The following NASP variants were observed in gnomAD, a reference collection of about 807,000 sequenced individuals.
The protein encoded by NASP is nuclear autoantigenic sperm protein.
NASP carries 24 observed loss-of-function variants against 89.5 expected under a neutral mutation model. The ratio of observed to expected loss-of-function variants is 0.27; its 90% confidence interval spans 0.19 to 0.38. NASP has a LOEUF of 0.38. Among genes scored for constraint, NASP ranks in the 10% least tolerant of loss-of-function variants. NASP has a pLI of 1.00. For missense variants in NASP, 848 were observed against 921.4 expected (o/e 0.92, Z 1.03); for synonymous variants, 306 against 324.7 (o/e 0.94, Z 0.62).
intron 2 of NASP, among the ~76,000 whole-genome samples, chr1:45,597,247 C>T (rs1643720913): frequency 6.9e-6 from 1 of 144,490 alleles, no homozygotes; most frequent in Non-Finnish European, 1.5e-5. Flanking sequence ...GTGGAGGTTG[C>T]AGTGAGCTGA....
At chr1:45,614,541 T>C (rs1644069530) in intron 9 of NASP, among the ~76,000 whole-genome samples, 175 bp downstream of exon 9, 1 of 70,940 alleles carries the variant, frequency 1.4e-5, no homozygotes, top group Non-Finnish European at 3.0e-5. Flanking sequence ...TAGGTTTGTT[T>C]TGTTTTGTTT....
intron 1 of NASP, among the ~76,000 whole-genome samples, chr1:45,586,264 GT>G (rs1478191780): frequency 5.5e-5 from 4 of 72,082 alleles, no homozygotes; most frequent in African/African-American, 5.6e-5. Flanking sequence ...GTGTGTGTGT[GT>G]GTGTGTGTGT....
intron 1 of NASP, among the ~76,000 whole-genome samples, chr1:45,589,460 AT>A (rs750805629): frequency 2.0e-5 from 3 of 152,098 alleles, no homozygotes; most frequent in Admixed American, 6.6e-5. Flanking sequence ...CTCCAAACAA[AT>A]TACCAAGTAA....
chr1:45,584,127 T>C lies in NASP; in HGVS notation c.-20T>C. 6.3e-7 allele frequency: 1 copy of C among 1,581,530 alleles called. No homozygotes were observed. The highest frequency in any genetic ancestry group is 1.3e-5 in the African/African-American group (1 of 74,496). On this transcript the variant is annotated 5_prime_UTR_variant, in exon 1 of 15. Transcript: ENST00000350030. ...TCGCAGGCTCTATTCCGTTCGCTGG[T>C]TCGCCACCTCAGGGGAACGATGGCC...
At position 45,608,457 on chromosome 1, in the gene NASP, G is replaced by A. The variant is rs548130451; in HGVS notation, c.1426+120G>A. The A allele has an allele frequency of 4.0e-5, 42 of 1,050,980 alleles. No individual in the cohort carries two copies. In the East Asian group the frequency reaches 1.0e-3, roughly 26 times the overall value. 65.1% of individuals were successfully genotyped at this position (1,050,980 alleles called of 1,614,324 possible). A position where few individuals can be genotyped will look rare whatever the true frequency, so the allele number is the denominator to read the frequency against. On this transcript the variant is annotated intron_variant, in intron 6 of 14. Transcript: ENST00000350030. ...CCGTCTGCCTTTGGATTAGGAAAGG[G>A]CTAAATGAAAAGGGGGGTAGTTTAA...
In NASP at chr1:45,615,090, C is replaced by T; in HGVS notation, c.1744C>T (p.Leu582Phe). The change falls in exon 10 of 15, where the codon CTC (leucine) becomes TTC (phenylalanine). Residue 582 changes from leucine (L) to phenylalanine (F), a missense_variant. Physicochemically the swap from Leu to Phe is conservative, Grantham distance 22. This residue lies in a region of NASP where 60 missense variants were observed against 114.6 expected (regional missense o/e 0.52). Coordinates refer to ENST00000350030, the MANE Select transcript of NASP (RefSeq NM_002482.4). ...ACAGTACCTGGAAGCCCACGACCGT[C>T]TCCTTGCAGAGACCCACTACCAGCT... ...QEQYLEAHDR[L>F]LAETHYQLGL... 1 of 1,614,218 alleles carries T rather than the reference C, an allele frequency of 6.2e-7. No homozygotes were observed. Among genetic ancestry groups the T allele is most frequent in the Non-Finnish European group, 8.5e-7 (1 of 1,180,036 alleles).
At position 45,617,469 on chromosome 1, in the gene NASP, C is replaced by T. The variant is rs780636281; in HGVS notation, c.2164C>T (p.Pro722Ser). ...TTCACAATTATATCTTTAGAGGAAA[C>T]CAGAGGAAGAGAGTCCCCGGAAAGA... The part of the protein sequence containing the change: ...ISHLVRKKRK[P>S]EEESPRKDDA... Residue 722 changes from proline (P) to serine (S), a missense_variant, in exon 14 of 15, where the codon CCA becomes TCA. Transcript: ENST00000350030. 16 of 1,612,700 alleles carry T rather than the reference C, an allele frequency of 9.9e-6. No individual in the cohort carries two copies. The highest frequency in any genetic ancestry group is 1.3e-5 in the Non-Finnish European group (15 of 1,179,630).
chr1:45,603,571 T>C (rs1643876933), intron 3 of NASP, among the ~76,000 whole-genome samples: 1 of 151,652 alleles, frequency 6.6e-6, no homozygotes, highest in Admixed American at 6.6e-5. Context: ...ATTGGGGCTC[T>C]GAGAGACTAA....
chr1:45,590,843 C>T (rs567437670), intron 1 of NASP, among the ~76,000 whole-genome samples: 26 of 152,224 alleles, frequency 1.7e-4, no homozygotes, highest in African/African-American at 5.8e-4. Flanking sequence ...ACCATTTGGT[C>T]AGAATGACCT....
chr1:45,590,199 C>G (rs1227678834), intron 1 of NASP, among the ~76,000 whole-genome samples: 1 of 152,076 alleles, frequency 6.6e-6, no homozygotes, highest in African/African-American at 2.4e-5. Context: ...CAAGTACTGC[C>G]TTAGTTCACC....
In NASP at chr1:45,616,285, G is replaced by A. The variant is rs1644103859; in HGVS notation, c.2023-52G>A. On this transcript the variant is annotated intron_variant, in intron 11 of 14. Coordinates refer to ENST00000350030, the MANE Select transcript of NASP (RefSeq NM_002482.4). ...TGATGGGTTCCTGTTACAAGGCTGT[G>A]GGCGGCCTGGGTTCTATCTTCAAAC... is the stretch of plus-strand genomic sequence containing the variant. 1.2e-5 allele frequency: 19 copies of A among 1,527,744 alleles called. 2 individuals carry two copies. In the South Asian group the frequency reaches 2.0e-4, roughly 16 times the overall value. The allele number at this position is 1,527,744 out of a possible 1,614,324, so 94.6% of individuals were successfully genotyped here. A position where few individuals can be genotyped will look rare whatever the true frequency, so the allele number is the denominator to read the frequency against.
At chr1:45,593,535 CAAA>C (rs1197658183) in intron 2 of NASP, among the ~76,000 whole-genome samples, 8 of 82,416 alleles carry the variant, frequency 9.7e-5, no homozygotes, top group African/African-American at 1.9e-4. Flanking sequence ...TGTCCCCCCC[CAAA>C]AAAAAAAAAA....
chr1:45,602,748 G>A (rs529771145), intron 3 of NASP, among the ~76,000 whole-genome samples: 2 of 152,210 alleles, frequency 1.3e-5, no homozygotes, highest in South Asian at 4.2e-4. Flanking sequence ...AGGCTCCCCA[G>A]TAGCTGGGAC....
chr1:45,596,400 T>C (rs2148340655), intron 2 of NASP, among the ~76,000 whole-genome samples: 1 of 152,162 alleles, frequency 6.6e-6, no homozygotes, highest in East Asian at 1.9e-4. Flanking sequence ...CAACCACCAT[T>C]CTGCTTTCTG....
intron 2 of NASP, chr1:45,600,558 G>C: frequency 1.4e-6 from 1 of 739,732 alleles, no homozygotes; most frequent in Non-Finnish European, 1.7e-6. Flanking sequence ...CTTTTTGTTA[G>C]TGAATGACAT....
At position 45,587,821 on chromosome 1, in the gene NASP, TAC is replaced by T. The variant is rs535237918; in HGVS notation, c.60-3400_60-3399del. Among the ~76,000 whole-genome samples, 212 of 151,292 alleles carry T rather than the reference TAC, an allele frequency of 1.4e-3. 3 individuals are homozygous for T. Among genetic ancestry groups the T allele is most frequent in the African/African-American group, 5.0e-3 (205 of 41,236 alleles). On this transcript the variant is annotated intron_variant, in intron 1 of 14. Coordinates refer to ENST00000350030, the MANE Select transcript of NASP (RefSeq NM_002482.4). ...CATCAGCCTCCCAAGTAGCTGAGAC[TAC>T]AGTTTACAAAAATTAGCCGAGCATG... is the stretch of plus-strand genomic sequence containing the variant.
In NASP at chr1:45,618,213, C is replaced by G. The variant is rs1044336400; in HGVS notation, c.*72C>G. Reference sequence around the variant, plus strand: ...TGTATTTTTTCACTTTTGGAGGATTCTTTTTGTATAACTTCAATAAAGATT... The same window carrying G: ...TGTATTTTTTCACTTTTGGAGGATTGTTTTTGTATAACTTCAATAAAGATT... On this transcript the variant is annotated 3_prime_UTR_variant, in exon 15 of 15. Transcript: ENST00000350030. 160 of 1,227,204 alleles carry G rather than the reference C, an allele frequency of 1.3e-4. No individual in the cohort carries two copies. The highest frequency in any genetic ancestry group is 1.8e-4 in the Non-Finnish European group (156 of 865,568). 76.0% of individuals were successfully genotyped at this position (1,227,204 alleles called of 1,614,324 possible). A position where few individuals can be genotyped will look rare whatever the true frequency, so the allele number is the denominator to read the frequency against.
chr1:45,586,439 C>G (rs989573399), intron 1 of NASP, among the ~76,000 whole-genome samples: 3 of 151,952 alleles, frequency 2.0e-5, no homozygotes, highest in African/African-American at 7.2e-5. Context: ...GCGCACACCA[C>G]AAGGCCCAGC....
chr1:45,607,104 C>A (rs571261249), intron 5 of NASP, among the ~76,000 whole-genome samples: 1 of 152,234 alleles, frequency 6.6e-6, no homozygotes, highest in East Asian at 1.9e-4. Flanking sequence ...TAAAACAATA[C>A]CTAGTGTAAC....
Sources: allele counts gnomAD v4.1 joint callset (sites outside exome capture counted in the v4.1 genomes callset), GRCh38; gene constraint gnomAD v4.1.1; regional missense constraint gnomAD v4.1.1; transcripts MANE v1.5; gene names NCBI Gene and HGNC (gene_info 2026-07-23, HGNC 2026-07-21).